PBX1: variants seen among roughly 807,000 people sequenced by gnomAD.
PBX1 encodes the protein pre-B-cell leukemia transcription factor 1.
PBX1 carries 6 observed loss-of-function variants against 53.4 expected under a neutral mutation model. The ratio of observed to expected loss-of-function variants is 0.11; its 90% CI spans 0.06 to 0.22. The LOEUF is 0.22. PBX1 is among the 10% of genes least tolerant of loss of function. The pLI is 1.00. For missense variants in PBX1, 251 were observed against 551.4 expected (o/e 0.46, Z 5.46); for synonymous variants, 204 against 212.3 (o/e 0.96, Z 0.34).
rs1317585144 is a variant in PBX1 at position 164,850,496 on chromosome 1, T to A, written c.*3820T>A. ...AAAAAAAATGTTTTGTTTTGTGTTA[T>A]TTTTGGTTTGTTTATTGGGGGGCTT... On this transcript the variant is annotated 3_prime_UTR_variant, in exon 9 of 9. Transcript: ENST00000420696. 3 of 197,368 alleles carry A rather than the reference T, an allele frequency of 1.5e-5. No homozygotes were observed. Among genetic ancestry groups the A allele is most frequent in the Admixed American group, 1.2e-4 (2 of 16,476 alleles). The allele number at this position is 197,368 out of a possible 1,614,324, so 12.2% of individuals were successfully genotyped here.
intron 2 of PBX1, among the ~76,000 whole-genome samples, chr1:164,616,649 A>C (rs1571073710): frequency 6.6e-6 from 1 of 152,196 alleles, no homozygotes; most frequent in Admixed American, 6.5e-5. Context: ...TTCTCTGATA[A>C]ATACAAGGTA....
At chr1:164,583,218 C>G (rs115711909) in intron 2 of PBX1, among the ~76,000 whole-genome samples, 1 of 152,024 alleles carries the variant, frequency 6.6e-6, no homozygotes, top group African/African-American at 2.4e-5. Context: ...TTAAACTACA[C>G]TCTCATTACA....
intron 2 of PBX1, among the ~76,000 whole-genome samples, chr1:164,724,309 C>G (rs1664565636): frequency 6.6e-6 from 1 of 152,152 alleles, no homozygotes; most frequent in African/African-American, 2.4e-5. Flanking sequence ...TTCTCTTTCT[C>G]CCTCTCTCAT....
chr1:164,744,598 C>T (rs1665795767), intron 2 of PBX1, among the ~76,000 whole-genome samples: 1 of 152,166 alleles, frequency 6.6e-6, no homozygotes, highest in Non-Finnish European at 1.5e-5. Flanking sequence ...GCGGGATCCC[C>T]TCTGCATCCC....
chr1:164,567,920 T>C (rs1382192908), intron 2 of PBX1, among the ~76,000 whole-genome samples: 1 of 152,172 alleles, frequency 6.6e-6, no homozygotes, highest in Non-Finnish European at 1.5e-5. Flanking sequence ...CCTTGTGAAC[T>C]AAGAGCTGTG....
chr1:164,794,864 T>C (rs1166081538), intron 3 of PBX1, among the ~76,000 whole-genome samples: 1 of 152,108 alleles, frequency 6.6e-6, no homozygotes, highest in Non-Finnish European at 1.5e-5. Flanking sequence ...AAGCCCAGAG[T>C]GCGACTTCCT....
intron 4 of PBX1, among the ~76,000 whole-genome samples, chr1:164,802,851 T>C (rs974054075): frequency 1.3e-5 from 2 of 152,170 alleles, no homozygotes; most frequent in Admixed American, 1.3e-4. Flanking sequence ...GTAAGTTTAT[T>C]ATCAGGACTA....
rs1348617477 is a variant in PBX1 at position 164,848,456 on chromosome 1, G to T, written c.*1780G>T. On this transcript the variant is annotated 3_prime_UTR_variant, in exon 9 of 9. Transcript: ENST00000420696. ...CCAATCTGTAAATGCGAAGTCAGGG[G>T]AAGTAATGTCCCTGAAATAAACGGG... is the stretch of plus-strand genomic sequence containing the variant. The T allele has an allele frequency of 9.5e-7, 1 of 1,057,034 alleles. No individual in the cohort carries two copies. Among genetic ancestry groups the T allele is most frequent in the Admixed American group, 5.4e-5 (1 of 18,442 alleles). The allele number at this position is 1,057,034 out of a possible 1,614,324, so 65.5% of individuals were successfully genotyped here.
At chr1:164,573,500 T>C (rs535816285) in intron 2 of PBX1, among the ~76,000 whole-genome samples, 173 of 150,400 alleles carry the variant, frequency 1.2e-3, no homozygotes, top group African/African-American at 4.1e-3. Context: ...TTTTTTTTTT[T>C]TTTTTTTTAA....
At chr1:164,720,791 A>G (rs571783043) in intron 2 of PBX1, among the ~76,000 whole-genome samples, 4 of 152,212 alleles carry the variant, frequency 2.6e-5, no homozygotes, top group Non-Finnish European at 4.4e-5. Context: ...TGAGATGCCT[A>G]TTAAGGTAAC....
At chr1:164,662,832 ATTTATT>A (rs370826927) in intron 2 of PBX1, among the ~76,000 whole-genome samples, 3 of 87,984 alleles carry the variant, frequency 3.4e-5, no homozygotes, top group African/African-American at 9.3e-5. Flanking sequence ...ATGTGTGAAC[ATTTATT>A]TTTTTTCTTG....
chr1:164,610,268 G>A (rs1427472553), intron 2 of PBX1, among the ~76,000 whole-genome samples: 1 of 152,044 alleles, frequency 6.6e-6, no homozygotes, highest in Non-Finnish European at 1.5e-5. Context: ...GCTTGACGGT[G>A]GTCCATGAGC....
rs540617149 is a variant in PBX1 at position 164,807,015 on chromosome 1, T to A, written c.702-527T>A. The stretch of plus-strand genomic sequence containing the variant: ...GGCTCATGCCTGTAATCCCAGCACT[T>A]TGGGAGGCTGAGGCAGGCAGATCAT... On this transcript the variant is annotated intron_variant, in intron 4 of 8. Coordinates refer to ENST00000420696, the MANE Select transcript of PBX1 (RefSeq NM_002585.4). Among the ~76,000 whole-genome samples the A allele has an allele frequency of 9.3e-4, 142 of 152,198 alleles. 2 individuals carry two copies. The highest frequency in any genetic ancestry group is 3.9e-3 in the Admixed American group (59 of 15,298).
chr1:164,682,334 G>T (rs375587336), intron 2 of PBX1: 1 of 152,054 alleles, frequency 6.6e-6, no homozygotes, highest in African/African-American at 2.4e-5. Context: ...GCCTGGTTTT[G>T]GTACAGCTCT....
intron 2 of PBX1, among the ~76,000 whole-genome samples, chr1:164,606,619 A>T (rs1571052941): frequency 6.6e-6 from 1 of 152,172 alleles, no homozygotes; most frequent in Admixed American, 6.5e-5. Context: ...TGAGAATCCG[A>T]TGTCGTATTT....
intron 3 of PBX1, among the ~76,000 whole-genome samples, chr1:164,797,571 C>CCGAT (rs1358947042): frequency 1.3e-5 from 2 of 152,024 alleles, no homozygotes; most frequent in Non-Finnish European, 2.9e-5. Context: ...CTATAAGGAC[C>CCGAT]CGATCTTCTA....
At chr1:164,882,655 G>T (rs1672688063) in intron 2 of PBX1, among the ~76,000 whole-genome samples, 1 of 151,968 alleles carries the variant, frequency 6.6e-6, no homozygotes, top group Non-Finnish European at 1.5e-5. Flanking sequence ...GATTAGGCTG[G>T]CCTCCAACTC....
chr1:164,848,826 A>G lies in PBX1; in HGVS notation c.*2150A>G. ...CTTGGCACTACAGTCATAAATAGAAAACACTGTGTGTGCTCAGGGGAGCAG... is the reference window on the plus strand; with the variant it reads ...CTTGGCACTACAGTCATAAATAGAAGACACTGTGTGTGCTCAGGGGAGCAG... On this transcript the variant is annotated 3_prime_UTR_variant, in exon 9 of 9. Coordinates refer to ENST00000420696, the MANE Select transcript of PBX1 (RefSeq NM_002585.4). 2 of 1,063,948 alleles carry G rather than the reference A, an allele frequency of 1.9e-6. No individual in the cohort carries two copies. The highest frequency in any genetic ancestry group is 3.3e-5 in the African/African-American group (2 of 61,076). The allele number at this position is 1,063,948 out of a possible 1,614,324, so 65.9% of individuals were successfully genotyped here. A position where few individuals can be genotyped will look rare whatever the true frequency, so the allele number is the denominator to read the frequency against.
chr1:164,589,965 T>G (rs374711048), intron 2 of PBX1, among the ~76,000 whole-genome samples: 1 of 152,196 alleles, frequency 6.6e-6, no homozygotes, highest in South Asian at 2.1e-4. Context: ...TCCCAACATT[T>G]TGGGAGGCTG....
Sources: allele counts gnomAD v4.1 joint callset (sites outside exome capture counted in the v4.1 genomes callset), GRCh38; gene constraint gnomAD v4.1.1; transcripts MANE v1.5; gene names NCBI Gene and HGNC (gene_info 2026-07-23, HGNC 2026-07-21).